SNX18: variants seen among roughly 807,000 people sequenced by gnomAD.
SNX18 encodes the protein sorting nexin-18.
In SNX18, 35 loss-of-function variants were observed where a neutral mutation model predicts 48.7. The observed-to-expected ratio is 0.72, with a 90% CI of 0.55 to 0.95. The LOEUF is 0.95. Ranked by LOEUF, SNX18 falls within the 40% of genes least tolerant of loss-of-function variation. The pLI is 0.00. For missense variants in SNX18, 824 were observed against 871.0 expected (o/e 0.95, Z 0.68); for synonymous variants, 492 against 384.7 (o/e 1.28, Z -3.26).
At chr5:54,640,845 A>C in the SNX18 span, among the ~76,000 whole-genome samples, 1 of 152,176 alleles carries the variant, frequency 6.6e-6, no homozygotes, top group Non-Finnish European at 1.5e-5. Flanking sequence ...GAATCACTTG[A>C]GATCAGGAGC....
the SNX18 span, among the ~76,000 whole-genome samples, chr5:54,560,474 A>G: frequency 1.3e-5 from 2 of 152,252 alleles, no homozygotes; most frequent in East Asian, 3.9e-4. Flanking sequence ...GGCCTATTGA[A>G]GGGTGGAGGG....
the SNX18 span, among the ~76,000 whole-genome samples, chr5:54,631,344 T>C: frequency 2.0e-5 from 3 of 152,342 alleles, no homozygotes; most frequent in East Asian, 3.9e-4. Flanking sequence ...GGATAATCAA[T>C]TATCATAGAG....
At chr5:54,525,577 T>A (rs1021996227) in intron 1 of SNX18, among the ~76,000 whole-genome samples, 12 of 152,160 alleles carry the variant, frequency 7.9e-5, no homozygotes, top group African/African-American at 2.4e-4. Context: ...CTGGGATAAA[T>A]GTAGATGTTG....
chr5:54,528,624 C>G (rs1762190176), intron 1 of SNX18, among the ~76,000 whole-genome samples: 2 of 152,094 alleles, frequency 1.3e-5, no homozygotes, highest in Admixed American at 1.3e-4. Flanking sequence ...GTGCTCAGGT[C>G]AGTGAAGGGA....
chr5:54,536,294 A>T (rs1762354023), intron 1 of SNX18, among the ~76,000 whole-genome samples: 2 of 152,094 alleles, frequency 1.3e-5, no homozygotes, highest in South Asian at 4.1e-4. Context: ...GGTTTGTTAC[A>T]TATGTATACA....
At chr5:54,582,136 T>G in the SNX18 span, among the ~76,000 whole-genome samples, 1 of 152,194 alleles carries the variant, frequency 6.6e-6, no homozygotes, top group African/African-American at 2.4e-5. Context: ...AAAACTAACT[T>G]CATGGGTAAA....
chr5:54,524,515 A>G (rs956743560), intron 1 of SNX18, among the ~76,000 whole-genome samples: 1 of 152,194 alleles, frequency 6.6e-6, no homozygotes, highest in African/African-American at 2.4e-5. Flanking sequence ...TCTGTGATTC[A>G]CTTACAAACA....
At chr5:54,626,612 G>C in the SNX18 span, among the ~76,000 whole-genome samples, 3 of 152,224 alleles carry the variant, frequency 2.0e-5, no homozygotes, top group Non-Finnish European at 4.4e-5. Flanking sequence ...TTCTCAACCA[G>C]GGATAATTTT....
intron 1 of SNX18, among the ~76,000 whole-genome samples, chr5:54,528,219 C>T (rs1318972821): frequency 1.3e-5 from 2 of 151,976 alleles, no homozygotes; most frequent in Non-Finnish European, 1.5e-5. Flanking sequence ...GTCTCGTTTG[C>T]TTAATTCAGA....
chr5:54,599,599 C>CA, the SNX18 span, among the ~76,000 whole-genome samples: 2 of 152,128 alleles, frequency 1.3e-5, no homozygotes, highest in African/African-American at 2.4e-5. Flanking sequence ...TAAAAGGCTA[C>CA]AATAGCCAAA....
At chr5:54,643,088 T>C in the SNX18 span, among the ~76,000 whole-genome samples, 1 of 152,100 alleles carries the variant, frequency 6.6e-6, no homozygotes, top group Admixed American at 6.6e-5. Context: ...GTCTAAACTA[T>C]AAAGGGAGGG....
the SNX18 span, among the ~76,000 whole-genome samples, chr5:54,638,801 T>C: frequency 2.5e-4 from 38 of 152,200 alleles, no homozygotes; most frequent in Non-Finnish European, 4.3e-4. Flanking sequence ...TTGCCTAAGG[T>C]CAGCCAGGAG....
At chr5:54,525,670 C>T (rs965446333) in intron 1 of SNX18, among the ~76,000 whole-genome samples, 1 of 152,156 alleles carries the variant, frequency 6.6e-6, no homozygotes, top group Non-Finnish European at 1.5e-5. Context: ...ACCCAAATCA[C>T]GTGTTCTGGT....
chr5:54,622,914 T>A, the SNX18 span, among the ~76,000 whole-genome samples: 5 of 152,198 alleles, frequency 3.3e-5, no homozygotes, highest in Non-Finnish European at 7.3e-5. Flanking sequence ...CTAAAATACT[T>A]CAAAGTTAGA....
chr5:54,525,410 T>C (rs1762112933), intron 1 of SNX18, among the ~76,000 whole-genome samples: 1 of 152,098 alleles, frequency 6.6e-6, no homozygotes, highest in African/African-American at 2.4e-5. Flanking sequence ...GCGCTCTCCT[T>C]TGAAGGACAA....
chr5:54,593,924 A>G, the SNX18 span, among the ~76,000 whole-genome samples: 1 of 152,232 alleles, frequency 6.6e-6, no homozygotes, highest in Non-Finnish European at 1.5e-5. Context: ...AAAACTATAA[A>G]ACTTAAAGAA....
At chr5:54,593,366 T>A in the SNX18 span, among the ~76,000 whole-genome samples, 1 of 152,186 alleles carries the variant, frequency 6.6e-6, no homozygotes, top group Non-Finnish European at 1.5e-5. Flanking sequence ...GGGGAGAAAC[T>A]ACAGCAAGTT....
downstream of SNX18, among the ~76,000 whole-genome samples, chr5:54,551,553 A>G (rs764161011): frequency 1.4e-4 from 22 of 152,220 alleles, no homozygotes; most frequent in Non-Finnish European, 2.6e-4. Context: ...TAGGAATGAT[A>G]CTGCCGTTAC....
the SNX18 span, among the ~76,000 whole-genome samples, chr5:54,647,498 CAA>C: frequency 2.6e-5 from 4 of 152,074 alleles, no homozygotes; most frequent in African/African-American, 9.7e-5. Context: ...GGAGCAAAGG[CAA>C]AGAGATATTA....
Sources: gnomAD v4.1 joint callset for allele counts (sites outside exome capture counted in the v4.1 genomes callset) on GRCh38, gnomAD v4.1.1 for gene constraint, MANE v1.5 for transcripts, NCBI Gene and HGNC (gene_info 2026-07-23, HGNC 2026-07-21) for gene names.